The following TMEM230 variants were observed in gnomAD, a reference collection of about 807,000 sequenced individuals.
TMEM230 encodes UPF0414 transmembrane protein C20orf30.
Under a neutral mutation model 15.8 loss-of-function variants are expected in TMEM230, and 10 were observed. The observed-to-expected ratio is 0.63, with a 90% confidence interval of 0.39 to 1.07. The LOEUF (loss-of-function observed/expected upper bound fraction) is 1.07, where lower values mean the gene tolerates loss of function less well. Among genes scored for constraint, TMEM230 ranks in the 50% least tolerant of loss-of-function variants. The probability of loss-of-function intolerance (pLI) is 0.01; values close to 1 mark genes in which losing one functional copy is unlikely to be tolerated. For missense variants in TMEM230, 165 were observed against 193.3 expected, an observed-to-expected ratio of 0.85 and a Z score of 0.87; for synonymous variants, 67 against 76.9, an observed-to-expected ratio of 0.87 and a Z score of 0.68.
intron 3 of TMEM230, among the ~76,000 whole-genome samples, chr20:5,072,950 A>G (rs2088877636): frequency 6.6e-6 from 1 of 151,136 alleles, no homozygotes; most frequent in Non-Finnish European, 1.5e-5. Context: ...CTTAGTCTGG[A>G]TTCCCCAGAA....
chr20:5,100,776 GC>G lies in TMEM230; in HGVS notation c.*14del. On this transcript the variant is annotated 3_prime_UTR_variant, in exon 5 of 5. Transcript: ENST00000342308. ...ACAGTTCCACTGTGACTCCTCCTCAGCTATGGGGTGGGTGCTAGTCATCAAA... is the reference window on the plus strand; with the variant it reads ...ACAGTTCCACTGTGACTCCTCCTCAGTATGGGGTGGGTGCTAGTCATCAAA... 3 of 1,612,708 alleles carry G rather than the reference GC, an allele frequency of 1.9e-6. No individual in the cohort carries two copies. Among genetic ancestry groups the G allele is most frequent in the Non-Finnish European group, 2.5e-6 (3 of 1,179,914 alleles).
chr20:5,062,891 A>C, the TMEM230 span, among the ~76,000 whole-genome samples: 1 of 152,188 alleles, frequency 6.6e-6, no homozygotes, highest in Admixed American at 6.6e-5. Context: ...TTTGGTTTAT[A>C]GACTGAGCTA....
chr20:5,082,922 G>GTTTTTTT (rs140284230), intron 3 of TMEM230, among the ~76,000 whole-genome samples: 5 of 127,254 alleles, frequency 3.9e-5, no homozygotes, highest in Non-Finnish European at 4.9e-5. Context: ...TCTTCATATT[G>GTTTTTTT]TTTTTTTTTT....
chr20:5,066,531 G>T (rs1010711615), downstream of TMEM230, among the ~76,000 whole-genome samples: 2 of 152,054 alleles, frequency 1.3e-5, no homozygotes, highest in African/African-American at 4.8e-5. Context: ...AATTAGCTGG[G>T]TGTGGTGGCG....
chr20:5,070,637 T>C (rs531177530), intron 3 of TMEM230, among the ~76,000 whole-genome samples: 6 of 152,312 alleles, frequency 3.9e-5, no homozygotes, highest in Admixed American at 6.5e-5. Flanking sequence ...TTCACCACAA[T>C]GGTTCCACTA....
At chr20:5,073,808 C>T (rs1398259068) in intron 3 of TMEM230, among the ~76,000 whole-genome samples, 1 of 152,182 alleles carries the variant, frequency 6.6e-6, no homozygotes, top group East Asian at 1.9e-4. Context: ...TAGCAGACAC[C>T]GGAAGAACTC....
Position 5,081,864 on chromosome 20 carries a change from C to CTTTTTTTT in TMEM230, c.223-12523_223-12516dup, listed in dbSNP as rs770805896. Among the ~76,000 whole-genome samples, 26 of 140,356 alleles carry CTTTTTTTT rather than the reference C, an allele frequency of 1.9e-4. 2 individuals are homozygous for CTTTTTTTT. The highest frequency in any genetic ancestry group is 7.1e-4 in the African/African-American group (24 of 33,838). The allele number at this position is 140,356 out of a possible 152,430, so 92.1% of individuals were successfully genotyped here. On this transcript the variant is annotated intron_variant, in intron 3 of 3. Transcript: ENST00000612323. ...CTCATGTTTGAAATTCACTGATTTT[C>CTTTTTTTT]TTTTTTTTCTTTTTTTTTTTTTTTT...
chr20:5,100,952 A>G, intron 4 of TMEM230, 21 bp from the exon 4 acceptor site: 2 of 1,613,470 alleles, frequency 1.2e-6, no homozygotes, highest in Non-Finnish European at 1.7e-6. Flanking sequence ...AAGGAGGCAA[A>G]CACATTAGTA....
chr20:5,092,118 C>T (rs1264223913), intron 3 of TMEM230, among the ~76,000 whole-genome samples: 1 of 152,190 alleles, frequency 6.6e-6, no homozygotes, highest in African/African-American at 2.4e-5. Flanking sequence ...ATTGCAAAGT[C>T]GTAATCTCCA....
At chr20:5,094,268 C>T (rs1032794237) in intron 3 of TMEM230, among the ~76,000 whole-genome samples, 2 of 149,216 alleles carry the variant, frequency 1.3e-5, no homozygotes, top group Non-Finnish European at 3.0e-5. Flanking sequence ...TTTTAAGTGA[C>T]AAGGTCTCAC....
chr20:5,082,895 T>C (rs1483806440), intron 3 of TMEM230, among the ~76,000 whole-genome samples: 1 of 151,800 alleles, frequency 6.6e-6, no homozygotes, highest in African/African-American at 2.4e-5. Flanking sequence ...TTATTAGTTA[T>C]GGCATTTGTG....
At chr20:5,076,239 G>C (rs1435491732) in intron 3 of TMEM230, among the ~76,000 whole-genome samples, 1 of 152,044 alleles carries the variant, frequency 6.6e-6, no homozygotes, top group Non-Finnish European at 1.5e-5. Context: ...TGACTTGAGA[G>C]GCAAGCATTA....
chr20:5,071,029 G>T (rs1329096709), intron 3 of TMEM230, among the ~76,000 whole-genome samples: 1 of 152,132 alleles, frequency 6.6e-6, no homozygotes, highest in East Asian at 1.9e-4. Flanking sequence ...TTTTCTAGGA[G>T]TGAACAATGC....
intron 3 of TMEM230, among the ~76,000 whole-genome samples, chr20:5,079,233 C>T (rs1481830675): frequency 3.3e-5 from 5 of 152,198 alleles, no homozygotes; most frequent in African/African-American, 1.2e-4. Flanking sequence ...AAGGAATCCT[C>T]CTGCCTCAGC....
chr20:5,105,516 G>T (rs1381266985), intron 4 of TMEM230, among the ~76,000 whole-genome samples: 3 of 149,646 alleles, frequency 2.0e-5, no homozygotes, highest in African/African-American at 7.4e-5. Context: ...GCATGAACCT[G>T]GGAGGCGGAG....
chr20:5,091,906 A>T (rs193025267), intron 3 of TMEM230, among the ~76,000 whole-genome samples: 1 of 152,322 alleles, frequency 6.6e-6, no homozygotes, highest in East Asian at 1.9e-4. Flanking sequence ...TAAGTACATC[A>T]AGACAGAGCT....
downstream of TMEM230, among the ~76,000 whole-genome samples, chr20:5,099,220 A>AATC (rs2089756456): frequency 9.5e-6 from 1 of 105,414 alleles, no homozygotes; most frequent in Non-Finnish European, 1.9e-5. Flanking sequence ...ATAAATAAAT[A>AATC]AATAAATAAA....
chr20:5,059,893 C>T, the TMEM230 span, among the ~76,000 whole-genome samples: 1 of 127,684 alleles, frequency 7.8e-6, no homozygotes, highest in Non-Finnish European at 1.7e-5. Context: ...AGTTCTCCTG[C>T]GTCAGCCTCC....
intron 4 of TMEM230, among the ~76,000 whole-genome samples, chr20:5,101,295 G>C (rs2089851886): frequency 6.6e-6 from 1 of 152,128 alleles, no homozygotes. Context: ...ACATACTACA[G>C]TTTTACCTAA....
Sources: gnomAD v4.1 joint callset for allele counts (sites outside exome capture counted in the v4.1 genomes callset) on GRCh38, gnomAD v4.1.1 for gene constraint, MANE v1.5 for transcripts, NCBI Gene and HGNC (gene_info 2026-07-23, HGNC 2026-07-21) for gene names.